HCN2: variants seen among roughly 807,000 people sequenced by gnomAD.
The protein encoded by HCN2 is potassium/sodium hyperpolarization-activated cyclic nucleotide-gated channel 2.
HCN2 carries 20 observed loss-of-function variants against 52.3 expected under a neutral mutation model. The ratio of observed to expected loss-of-function variants is 0.38; its 90% CI spans 0.27 to 0.56. The LOEUF is 0.56. Ranked by LOEUF, HCN2 falls within the 20% of genes least tolerant of loss-of-function variation. The pLI is 0.71. For missense variants in HCN2, 981 were observed against 1,207.7 expected (o/e 0.81, Z 2.78); for synonymous variants, 694 against 537.0 (o/e 1.29, Z -4.04).
chr19:595,808 G>C lies in HCN2; in HGVS notation c.632+5231G>C, dbSNP rs542897009. On this transcript the variant is annotated intron_variant, in intron 1 of 7. Coordinates refer to ENST00000251287, the MANE Select transcript of HCN2 (RefSeq NM_001194.4). ...TCTGGCCATGACTCCACAGCTGAGA[G>C]TGCCGTCTCCTAATCCCCCGGCCCG... Among the ~76,000 whole-genome samples, 10 of 152,278 alleles carry C rather than the reference G, an allele frequency of 6.6e-5. No homozygotes were observed. In the South Asian group the frequency reaches 2.1e-3, roughly 32 times the overall value.
intron 3 of HCN2, among the ~76,000 whole-genome samples, chr19:605,885 C>T (rs10408159): frequency 0.19 from 27,310 of 146,502 alleles, 3,198 homozygotes; most frequent in Admixed American, 0.31. Context: ...GGACTCAGGC[C>T]TCTTTACAGA....
chr19:590,257 C>T lies in HCN2; in HGVS notation c.312C>T (p.Arg104=). The change falls in exon 1 of 8, where the codon CGC becomes CGT. Residue 104 remains arginine, a synonymous_variant. Transcript: ENST00000251287. The surrounding 1 kb of genome is among the most constrained non-coding windows in gnomAD (Gnocchi z 7.2). ...GCAGCCCGAACGGCGAGTGCGGGCG[C>T]GGCGAGCCGCAGTGCAGCCCCGCGG... is the stretch of plus-strand genomic sequence containing the variant. The part of the protein sequence containing the change: ...AKGSPNGECG[R]GEPQCSPAGP... 11 of 989,022 alleles carry T rather than the reference C, an allele frequency of 1.1e-5. No homozygotes were observed. The highest frequency in any genetic ancestry group is 1.2e-5 in the Non-Finnish European group (10 of 834,162). 61.3% of individuals were successfully genotyped at this position (989,022 alleles called of 1,614,324 possible).
At chr19:598,343 G>T (rs1490201406) in intron 1 of HCN2, among the ~76,000 whole-genome samples, 2 of 150,652 alleles carry the variant, frequency 1.3e-5, no homozygotes, top group Non-Finnish European at 3.0e-5. Context: ...GTCTCACTCT[G>T]TCACCCAGGC....
intron 1 of HCN2, among the ~76,000 whole-genome samples, chr19:599,587 G>A (rs1600521220): frequency 1.3e-5 from 2 of 151,654 alleles, no homozygotes. Context: ...AGACCATCCT[G>A]GCTAACATGG....
At position 590,370 on chromosome 19, in the gene HCN2, A is replaced by G; in HGVS notation, c.425A>G (p.Glu142Gly). Reference protein sequence around the residue: ...SGPAPGPGPAEEAGSEEAGPA... With the variant: ...SGPAPGPGPAGEAGSEEAGPA... The stretch of plus-strand genomic sequence containing the variant: ...CCCGCGCCGGGGCCGGGGCCGGCGG[A>G]GGAGGCGGGCAGCGAGGAGGCGGGC... Residue 142 changes from glutamate to glycine, a missense_variant, in exon 1 of 8, where the codon GAG (glutamate) becomes GGG (glycine). Around this residue, in one of 6 missense-constraint regions of HCN2, gnomAD observed 215 missense variants for 179.4 expected, o/e 1.20. Coordinates refer to ENST00000251287, the MANE Select transcript of HCN2 (RefSeq NM_001194.4). The surrounding 1 kb of genome is among the most constrained non-coding windows in gnomAD (Gnocchi z 7.2). The G allele has an allele frequency of 1.7e-6, 2 of 1,162,826 alleles. No homozygotes were observed. Among genetic ancestry groups the G allele is most frequent in the Non-Finnish European group, 1.1e-6 (1 of 944,492 alleles). The allele number at this position is 1,162,826 out of a possible 1,614,324, so 72.0% of individuals were successfully genotyped here. A position where few individuals can be genotyped will look rare whatever the true frequency, so the allele number is the denominator to read the frequency against.
intron 5 of HCN2, among the ~76,000 whole-genome samples, chr19:612,524 G>C (rs1012618348): frequency 1.3e-5 from 2 of 151,646 alleles, no homozygotes; most frequent in Non-Finnish European, 2.9e-5. Flanking sequence ...CAAGAGACTC[G>C]TGCCTCAGCC....
Position 590,211 on chromosome 19 carries a change from G to C in HCN2, c.266G>C (p.Gly89Ala). 5 of 984,836 alleles carry C rather than the reference G, an allele frequency of 5.1e-6. No individual in the cohort carries two copies. The highest frequency in any genetic ancestry group is 6.0e-6 in the Non-Finnish European group (5 of 831,434). 61.0% of individuals were successfully genotyped at this position (984,836 alleles called of 1,614,324 possible). Residue 89 changes from glycine (G) to alanine (A), a missense_variant, in exon 1 of 8, where the codon GGC becomes GCC. Physicochemically the swap from Gly to Ala is moderately conservative, Grantham distance 60. Around this residue, in one of 6 missense-constraint regions of HCN2, gnomAD observed 215 missense variants for 179.4 expected, o/e 1.20. Transcript: ENST00000251287. This position sits in a 1 kb window ranked among gnomAD's most constrained non-coding sequence, Gnocchi z 7.2. ...DSSCGRPGTP[G>A]AASTAKGSPN... ...TCGTGCGGCCGCCCCGGCACCCCGG[G>C]CGCGGCGAGCACGGCCAAGGGCAGC...
At chr19:611,451 G>A (rs920285529) in intron 5 of HCN2, among the ~76,000 whole-genome samples, 61 of 152,200 alleles carry the variant, frequency 4.0e-4, no homozygotes, top group African/African-American at 1.4e-3. Context: ...CCCCGAGGAG[G>A]GGCTGGAGGA....
rs757331938 is a variant in HCN2 at position 615,802 on chromosome 19, G to T, written c.1998G>T (p.Lys666Asn). ...AIDRLDRIGK[K>N]NSILLHKVQH... The stretch of plus-strand genomic sequence containing the variant: ...ACGCCCCCTCTCCCGCAGGCAAGAA[G>T]AATTCCATCCTCCTGCACAAGGTGC... Residue 666 changes from lysine (K) to asparagine (N), a missense_variant, in exon 8 of 8, where the codon AAG (lysine) becomes AAT (asparagine). Coordinates refer to ENST00000251287, the MANE Select transcript of HCN2 (RefSeq NM_001194.4). The T allele has an allele frequency of 1.2e-5, 20 of 1,611,532 alleles. No individual in the cohort carries two copies. The highest frequency in any genetic ancestry group is 2.2e-5 in the South Asian group (2 of 90,936).
intron 1 of HCN2, among the ~76,000 whole-genome samples, chr19:603,302 C>T (rs11879834): frequency 4.7e-4 from 29 of 62,318 alleles, no homozygotes; most frequent in African/African-American, 1.7e-3. Context: ...GGCACCCTCG[C>T]CCCCCAGGGA....
intron 5 of HCN2, among the ~76,000 whole-genome samples, chr19:611,140 T>C (rs1055922069): frequency 6.6e-6 from 1 of 152,196 alleles, no homozygotes; most frequent in African/African-American, 2.4e-5. Context: ...AGAGACCCTA[T>C]TTCCACATAA....
chr19:593,177 G>T (rs1425656910), intron 1 of HCN2, among the ~76,000 whole-genome samples: 2 of 152,238 alleles, frequency 1.3e-5, no homozygotes, highest in South Asian at 4.1e-4. Flanking sequence ...GTGCTCGGAA[G>T]TGGCCTCTTT....
Position 613,244 on chromosome 19 carries a change from G to T in HCN2, c.1585-4G>T. 1 of 1,609,760 alleles carries T rather than the reference G, an allele frequency of 6.2e-7. No individual in the cohort carries two copies. The highest frequency in any genetic ancestry group is 1.1e-5 in the South Asian group (1 of 90,710). On this transcript the variant is annotated splice_polypyrimidine_tract_variant and splice_region_variant and intron_variant, in intron 5 of 7. Coordinates refer to ENST00000251287, the MANE Select transcript of HCN2 (RefSeq NM_001194.4). ...GCGGACCCAGCCCTGCCTCCCCCCT[G>T]CAGGAGATCGTCAACTTCAACTGCC...
rs138697623 is a variant in HCN2, at chr19:609,630, G to C, written c.1438-629G>C. Among the ~76,000 whole-genome samples, 855 of 152,370 alleles carry C rather than the reference G, an allele frequency of 5.6e-3. 4 individuals are homozygous for C. Among genetic ancestry groups the C allele is most frequent in the African/African-American group, 0.02 (826 of 41,586 alleles). On this transcript the variant is annotated intron_variant, in intron 4 of 7. Coordinates refer to ENST00000251287, the MANE Select transcript of HCN2 (RefSeq NM_001194.4). ...AAAATTAAAAAATTAGCAGGGCAGG[G>C]TGGTGCACACCTGTAATCCCCACTA...
Position 617,118 on chromosome 19 carries a change from C to CCCCCCCCCAA in HCN2, c.*644_*645insCCCCCCCCAA. The CCCCCCCCCAA allele has an allele frequency of 1.5e-6, 1 of 683,942 alleles. No individual in the cohort carries two copies. 42.4% of individuals were successfully genotyped at this position (683,942 alleles called of 1,614,324 possible). Reference sequence around the variant, plus strand: ...TGGCCCCCCACGCCCCATTAACCCCCACACCCCCATTCCGCGCAATAAACG... The same window carrying CCCCCCCCCAA: ...TGGCCCCCCACGCCCCATTAACCCCCCCCCCCCCAAACACCCCCATTCCGCGCAATAAACG... On this transcript the variant is annotated 3_prime_UTR_variant, in exon 8 of 8. Transcript: ENST00000251287.
At chr19:612,046 G>A (rs937633124) in intron 5 of HCN2, among the ~76,000 whole-genome samples, 2 of 152,146 alleles carry the variant, frequency 1.3e-5, no homozygotes, top group African/African-American at 4.8e-5. Flanking sequence ...TCTGGAGGCT[G>A]AGACAGGAGA....
In HCN2 at chr19:591,803, G is replaced by A. The variant is rs1982882191; in HGVS notation, c.632+1226G>A. 6.6e-6 allele frequency among the ~76,000 whole-genome samples: 1 copy of A among 152,158 alleles called. No homozygotes were observed. Among genetic ancestry groups the A allele is most frequent in the Non-Finnish European group, 1.5e-5 (1 of 68,018 alleles). On this transcript the variant is annotated intron_variant, in intron 1 of 7. Coordinates refer to ENST00000251287, the MANE Select transcript of HCN2 (RefSeq NM_001194.4). This position sits in a 1 kb window ranked among gnomAD's most constrained non-coding sequence, Gnocchi z 4.1. ...CCCGGAACTGGGCAGGGAGGCTGTG[G>A]GGTTCTCTCTTCCCCTGGATTCTCT... is the stretch of plus-strand genomic sequence containing the variant.
intron 1 of HCN2, among the ~76,000 whole-genome samples, chr19:598,688 G>A (rs573063413): frequency 5.9e-5 from 9 of 152,102 alleles, no homozygotes; most frequent in Admixed American, 3.9e-4. Flanking sequence ...TGCAAGCTCC[G>A]CCTCCCGGGT....
chr19:614,633 G>A (rs1464164633), intron 7 of HCN2, among the ~76,000 whole-genome samples: 2 of 152,164 alleles, frequency 1.3e-5, no homozygotes, highest in East Asian at 3.9e-4. Context: ...GAGGCCTGGA[G>A]GAGGTTGGGG....
Sources: gnomAD v4.1 joint callset for allele counts (sites outside exome capture counted in the v4.1 genomes callset) on GRCh38, gnomAD v4.1.1 for gene constraint, gnomAD v4.1.1 regional missense constraint, Gnocchi (gnomAD v3.1) non-coding constraint, MANE v1.5 for transcripts, NCBI Gene and HGNC (gene_info 2026-07-23, HGNC 2026-07-21) for gene names.